Variants in SIPA1L1 observed in about 807,000 individuals in gnomAD.
SIPA1L1 encodes the protein signal-induced proliferation-associated 1-like protein 1.
Under a neutral mutation model 162.7 loss-of-function variants are expected in SIPA1L1, and 26 were observed. The observed-to-expected ratio is 0.16, with a 90% CI of 0.12 to 0.22. The LOEUF (loss-of-function observed/expected upper bound fraction) is 0.22, where lower values mean the gene tolerates loss of function less well. Ranked by LOEUF, SIPA1L1 falls within the 10% of genes least tolerant of loss-of-function variation. The pLI is 1.00. For missense variants in SIPA1L1, 1,874 were observed against 2,241.0 expected (o/e 0.84, Z 3.31); for synonymous variants, 829 against 837.4 (o/e 0.99, Z 0.17).
rs528365193 is a variant in SIPA1L1, at chr14:71,377,541, C to T, written c.-465+56360C>T. Among the ~76,000 whole-genome samples the T allele has an allele frequency of 6.6e-6, 1 of 151,998 alleles. No homozygotes were observed. The highest frequency in any genetic ancestry group is 1.5e-5 in the Non-Finnish European group (1 of 67,992). On this transcript the variant is annotated intron_variant, in intron 2 of 23. Transcript: ENST00000381232. This position sits in a 1 kb window ranked among gnomAD's most constrained non-coding sequence, Gnocchi z 4.8. ...CCTCACATCCCAGACCATGGGCAGC[C>T]AGGCAGAGACGCTCCTCACTTCCTA...
chr14:71,564,973 TTCTGTCCCTATAAAGA>T (rs2030083306), intron 4 of SIPA1L1, among the ~76,000 whole-genome samples: 1 of 152,218 alleles, frequency 6.6e-6, no homozygotes, highest in Non-Finnish European at 1.5e-5. Flanking sequence ...TGCCTGCTGT[TTCTGTCCCTATAAAGA>T]GTACTTGGTT....
At chr14:71,405,585 G>GC (rs2041978403) in intron 2 of SIPA1L1, among the ~76,000 whole-genome samples, 1 of 152,214 alleles carries the variant, frequency 6.6e-6, no homozygotes, top group African/African-American at 2.4e-5. Flanking sequence ...GGCCAGGCAA[G>GC]CTTACTGCCC....
intron 2 of SIPA1L1, among the ~76,000 whole-genome samples, chr14:71,389,548 G>A (rs2040589232): frequency 1.3e-5 from 2 of 152,072 alleles, no homozygotes; most frequent in Admixed American, 6.5e-5. Context: ...TTTATATTTT[G>A]TGTAGTCTTA....
intron 8 of SIPA1L1, 93 bp from the exon 9 acceptor site, chr14:71,658,240 C>A: frequency 1.5e-6 from 1 of 686,268 alleles, no homozygotes. Context: ...AAATCATTTT[C>A]TTTTCTTCTC....
At chr14:71,464,458 T>C (rs1405382315) in intron 2 of SIPA1L1, among the ~76,000 whole-genome samples, 1 of 152,044 alleles carries the variant, frequency 6.6e-6, no homozygotes, top group Non-Finnish European at 1.5e-5. Context: ...CTGACCAACA[T>C]GATGAGACCC....
At chr14:71,635,037 A>G (rs2040990299) in intron 7 of SIPA1L1, among the ~76,000 whole-genome samples, 2 of 151,930 alleles carry the variant, frequency 1.3e-5, no homozygotes, top group African/African-American at 4.8e-5. Flanking sequence ...CAGCACTTTG[A>G]GAGGCCGAGG....
At chr14:71,686,395 A>G (rs990729322) in intron 13 of SIPA1L1, among the ~76,000 whole-genome samples, 5 of 152,312 alleles carry the variant, frequency 3.3e-5, no homozygotes, top group African/African-American at 9.6e-5. Flanking sequence ...AAACTAGATT[A>G]AGTGCTTTCA....
At chr14:71,414,398 A>G (rs1383854197) in intron 2 of SIPA1L1, among the ~76,000 whole-genome samples, 7 of 152,088 alleles carry the variant, frequency 4.6e-5, no homozygotes, top group Admixed American at 3.9e-4. Flanking sequence ...AAACAAAAAC[A>G]AAAACAAAAA....
chr14:71,639,116 AAACCCT>A (rs2041447543), intron 7 of SIPA1L1, among the ~76,000 whole-genome samples: 1 of 152,218 alleles, frequency 6.6e-6, no homozygotes, highest in Non-Finnish European at 1.5e-5. Flanking sequence ...GAACGAATCA[AAACCCT>A]AATGTTGGGC....
intron 13 of SIPA1L1, among the ~76,000 whole-genome samples, chr14:71,692,354 A>G (rs996655664): frequency 6.6e-6 from 1 of 152,212 alleles, no homozygotes; most frequent in Non-Finnish European, 1.5e-5. Context: ...AATTGACTCA[A>G]AGTGAAATGC....
intron 2 of SIPA1L1, among the ~76,000 whole-genome samples, chr14:71,443,631 G>A (rs2045102698): frequency 6.6e-6 from 1 of 152,150 alleles, no homozygotes; most frequent in Non-Finnish European, 1.5e-5. Context: ...CTGCCTTGAT[G>A]GAATTATTTT....
chr14:71,373,391 G>C (rs1340359909), intron 2 of SIPA1L1, among the ~76,000 whole-genome samples: 2 of 151,938 alleles, frequency 1.3e-5, no homozygotes, highest in Non-Finnish European at 2.9e-5. Flanking sequence ...GGGAGGCCGA[G>C]GTGGGCGGAT....
chr14:71,642,857 A>T (rs896161574), intron 7 of SIPA1L1, among the ~76,000 whole-genome samples: 6 of 152,188 alleles, frequency 3.9e-5, no homozygotes, highest in African/African-American at 7.2e-5. Context: ...ATGGATATGA[A>T]AGCTACAATA....
At chr14:71,558,321 G>A (rs1256309822) in intron 4 of SIPA1L1, among the ~76,000 whole-genome samples, 2 of 152,214 alleles carry the variant, frequency 1.3e-5, no homozygotes, top group Non-Finnish European at 2.9e-5. Context: ...GTGATCTCAT[G>A]ACTATATAGA....
intron 2 of SIPA1L1, among the ~76,000 whole-genome samples, chr14:71,461,532 A>G (rs2046602621): frequency 6.6e-6 from 1 of 152,018 alleles, no homozygotes; most frequent in Admixed American, 6.5e-5. Flanking sequence ...GATACAAATA[A>G]CTTCACAGTT....
intron 2 of SIPA1L1, among the ~76,000 whole-genome samples, chr14:71,421,921 G>T (rs929066762): frequency 1.3e-5 from 2 of 152,168 alleles, no homozygotes; most frequent in African/African-American, 4.8e-5. Flanking sequence ...CCGCAAGAAG[G>T]GGACTCATAA....
chr14:71,604,242 G>A (rs1853873883), intron 5 of SIPA1L1, among the ~76,000 whole-genome samples: 1 of 151,808 alleles, frequency 6.6e-6, no homozygotes, highest in African/African-American at 2.4e-5. Flanking sequence ...CAAGCCATCT[G>A]CTCCAGCCTC....
chr14:71,327,552 G>A (rs1439871414), intron 2 of SIPA1L1, among the ~76,000 whole-genome samples: 4 of 152,152 alleles, frequency 2.6e-5, no homozygotes, highest in African/African-American at 9.7e-5. Flanking sequence ...TAAATTAATA[G>A]GATGTCCTAA....
At chr14:71,425,457 T>G (rs902018737) in intron 2 of SIPA1L1, among the ~76,000 whole-genome samples, 17 of 152,160 alleles carry the variant, frequency 1.1e-4, no homozygotes, top group Admixed American at 2.0e-4. Context: ...TCCCCTGTGA[T>G]TTCTCCTTTG....
Sources: allele counts gnomAD v4.1 joint callset (sites outside exome capture counted in the v4.1 genomes callset), GRCh38; gene constraint gnomAD v4.1.1; non-coding constraint Gnocchi (gnomAD v3.1); transcripts MANE v1.5; gene names NCBI Gene and HGNC (gene_info 2026-07-23, HGNC 2026-07-21).